Variants in BAX observed in about 807,000 individuals in gnomAD.
The protein encoded by BAX is apoptosis regulator BAX.
In BAX, 21 loss-of-function variants were observed where a neutral mutation model predicts 26.8. The observed-to-expected ratio is 0.78, with a 90% CI of 0.56 to 1.13. The LOEUF (loss-of-function observed/expected upper bound fraction) is 1.13. BAX is among the 50% of genes most tolerant of loss of function. The pLI is 0.00. For synonymous variants in BAX, 110 were observed against 101.8 expected, an observed-to-expected ratio of 1.08 and a Z score of -0.49; for missense variants, 236 against 254.6, an observed-to-expected ratio of 0.93 and a Z score of 0.50.
chr19:48,955,107 C>T, intron 1 of BAX, 145 bp downstream of exon 1: 2 of 1,010,640 alleles, frequency 2.0e-6, no homozygotes, highest in Non-Finnish European at 1.3e-6. Context: ...CTCCAGTCCC[C>T]TCCGTCCTCG....
chr19:48,957,255 T>TTTTTC (rs1491333658), intron 4 of BAX, among the ~76,000 whole-genome samples: 3 of 136,304 alleles, frequency 2.2e-5, no homozygotes, highest in Admixed American at 7.8e-5. Context: ...CTGGAAAGAC[T>TTTTTC]TTTTCTTTTC....
chr19:48,961,430 G>A (rs144629839), intron 5 of BAX, 102 bp from the exon 6 acceptor site: 61 of 1,241,728 alleles, frequency 4.9e-5, no homozygotes, highest in Admixed American at 4.6e-4. Context: ...TCCCCTGCCC[G>A]CAATCCTGCC....
In BAX at chr19:48,961,618, C is replaced by A. The variant is rs753039973; in HGVS notation, c.561C>A (p.Ile187=). 1 of 1,600,588 alleles carries A rather than the reference C, an allele frequency of 6.2e-7. No homozygotes were observed. Among genetic ancestry groups the A allele is most frequent in the Non-Finnish European group, 8.5e-7 (1 of 1,173,322 alleles). Residue 187 remains isoleucine, a synonymous_variant, in exon 6 of 6, where the codon ATC becomes ATA. Transcript: ENST00000345358. ...VAGVLTASLT[I]WKKMG is the part of the protein sequence containing the mutation. ...GAGTGCTCACCGCCTCACTCACCAT[C>A]TGGAAGAAGATGGGCTGAGGCCCCC... is the stretch of plus-strand genomic sequence containing the variant.
chr19:48,957,953 G>C (rs1468485336), intron 4 of BAX, among the ~76,000 whole-genome samples: 2 of 152,068 alleles, frequency 1.3e-5, no homozygotes, highest in Non-Finnish European at 1.5e-5. Context: ...GGGGGTGGTG[G>C]TGAAATGCTC....
At chr19:48,959,713 C>T (rs11669162) in intron 4 of BAX, among the ~76,000 whole-genome samples, 23,966 of 149,550 alleles carry the variant, frequency 0.16, 2,438 homozygotes, top group East Asian at 0.35. Flanking sequence ...GTAATACCAG[C>T]TGCTTAGGAG....
Position 48,957,265 on chromosome 19 carries a change from CTTTTTT to C in BAX, c.369+954_369+959del, listed in dbSNP as rs61415800. On this transcript the variant is annotated intron_variant, in intron 4 of 5. Transcript: ENST00000345358. ...GGCTGCTGGAAAGACTTTTTCTTTT[CTTTTTT>C]TTTTTTTTTTTTTTTTTTTTTGAGA... Among the ~76,000 whole-genome samples, 154 of 54,946 alleles carry C rather than the reference CTTTTTT, an allele frequency of 2.8e-3. 1 individual carries two copies. The highest frequency in any genetic ancestry group is 0.025 in the Middle Eastern group (1 of 40). 36.0% of individuals were successfully genotyped at this position (54,946 alleles called of 152,430 possible).
chr19:48,959,477 C>T lies in BAX; in HGVS notation c.370-1333C>T, dbSNP rs367599939. ...GAAACAGGAGTACATGAAGAAGTCC[C>T]GAGGCAGGAAGAATTTGATGGGAAT... On this transcript the variant is annotated intron_variant, in intron 4 of 5. Transcript: ENST00000345358. 6.8e-5 allele frequency among the ~76,000 whole-genome samples: 10 copies of T among 147,396 alleles called. No homozygotes were observed. In the East Asian group the frequency reaches 7.9e-4, roughly 12 times the overall value.
intron 5 of BAX, 163 bp from the exon 6 acceptor site, chr19:48,961,369 G>T (rs1242208455): frequency 8.2e-7 from 1 of 1,222,884 alleles, no homozygotes; most frequent in African/African-American, 1.5e-5. Context: ...TTACAGGTGT[G>T]AGCCACCATG....
At chr19:48,960,205 AT>A in intron 4 of BAX, 2 of 443,888 alleles carry the variant, frequency 4.5e-6, no homozygotes, top group South Asian at 1.6e-5. Context: ...TTATTTATTT[AT>A]TTTTTGAGAC....
chr19:48,955,914 C>A, intron 3 of BAX, 81 bp downstream of exon 3: 4 of 1,463,912 alleles, frequency 2.7e-6, no homozygotes, highest in Non-Finnish European at 3.6e-6. Flanking sequence ...TTCTCCTCCT[C>A]CCCTAAGAAC....
chr19:48,959,940 C>T (rs2038289326), intron 4 of BAX, among the ~76,000 whole-genome samples: 1 of 149,826 alleles, frequency 6.7e-6, no homozygotes. Flanking sequence ...TTTCAGTGAG[C>T]CGAGATTGCG....
At position 48,955,781 on chromosome 19, in the gene BAX, G is replaced by T. The variant is rs778173104; in HGVS notation, c.181G>T (p.Glu61Ter). Residue 61 changes from glutamate to a stop codon, truncating the protein, a stop_gained, in exon 3 of 6, where the codon GAG becomes TAG. Coordinates refer to ENST00000345358, the MANE Select transcript of BAX (RefSeq NM_138761.4). LOFTEE classifies it high-confidence loss of function. The part of the protein sequence containing the change: ...PQDASTKKLS[E>*]CLKRIGDELD... The stretch of plus-strand genomic sequence containing the variant: ...GGATGCGTCCACCAAGAAGCTGAGC[G>T]AGTGTCTCAAGCGCATCGGGGACGA... 1 of 1,613,270 alleles carries T rather than the reference G, an allele frequency of 6.2e-7. No individual in the cohort carries two copies.
chr19:48,957,735 T>C (rs908029532), intron 4 of BAX, among the ~76,000 whole-genome samples: 1 of 152,142 alleles, frequency 6.6e-6, no homozygotes, highest in Non-Finnish European at 1.5e-5. Context: ...CCATCATAAA[T>C]TGAAAATAAC....
chr19:48,956,106 G>C, intron 3 of BAX, 92 bp from the exon 4 acceptor site: 1 of 1,409,378 alleles, frequency 7.1e-7, no homozygotes, highest in East Asian at 2.6e-5. Flanking sequence ...TTGGGGCTCA[G>C]TCTCCTTATC....
At chr19:48,961,333 C>G in intron 5 of BAX, 199 bp from the exon 6 acceptor site, 1 of 1,325,968 alleles carries the variant, frequency 7.5e-7, no homozygotes, top group Non-Finnish European at 1.0e-6. Context: ...GCGATCCTCC[C>G]GCCTCAGCCT....
intron 4 of BAX, among the ~76,000 whole-genome samples, chr19:48,956,652 ATTTT>A (rs746344180): frequency 2.5e-5 from 3 of 118,178 alleles, no homozygotes; most frequent in African/African-American, 9.6e-5. Flanking sequence ...AAAGATTTCT[ATTTT>A]TTTTTTTTTT....
intron 1 of BAX, chr19:48,955,291 T>C: frequency 2.3e-6 from 1 of 427,422 alleles, no homozygotes; most frequent in Non-Finnish European, 4.0e-6. Flanking sequence ...CTCTGCCCCC[T>C]CAGGCCAGGG....
At chr19:48,958,537 T>G (rs2038224020) in intron 4 of BAX, among the ~76,000 whole-genome samples, 1 of 35,686 alleles carries the variant, frequency 2.8e-5, no homozygotes, top group African/African-American at 1.2e-4. Context: ...TATTTCTTTC[T>G]TTCTTTCTTT....
chr19:48,961,724 T>C lies in BAX; in HGVS notation c.*88T>C. 1 of 1,171,674 alleles carries C rather than the reference T, an allele frequency of 8.5e-7. No homozygotes were observed. Among genetic ancestry groups the C allele is most frequent in the Non-Finnish European group, 1.2e-6 (1 of 832,108 alleles). The allele number at this position is 1,171,674 out of a possible 1,614,324, so 72.6% of individuals were successfully genotyped here. A position where few individuals can be genotyped will look rare whatever the true frequency, so the allele number is the denominator to read the frequency against. On this transcript the variant is annotated 3_prime_UTR_variant, in exon 6 of 6. Coordinates refer to ENST00000345358, the MANE Select transcript of BAX (RefSeq NM_138761.4). ...TGGGGATTGGGGGACGTGGGCATTTTTCTTACTTTTGTAATTATTGGGGGG... is the reference window on the plus strand; with the variant it reads ...TGGGGATTGGGGGACGTGGGCATTTCTCTTACTTTTGTAATTATTGGGGGG...
Sources: gnomAD v4.1 joint callset for allele counts (sites outside exome capture counted in the v4.1 genomes callset) on GRCh38, gnomAD v4.1.1 for gene constraint, MANE v1.5 for transcripts, NCBI Gene and HGNC (gene_info 2026-07-23, HGNC 2026-07-21) for gene names.